INTS2: variants seen among roughly 807,000 people sequenced by gnomAD.
INTS2 encodes the protein KIAA1287.
In INTS2, 57 loss-of-function variants were observed where a neutral mutation model predicts 139.6. The ratio of observed to expected loss-of-function variants is 0.41; its 90% CI spans 0.33 to 0.51. The LOEUF is 0.51. INTS2 is among the 20% of genes least tolerant of loss of function. The pLI, the probability that INTS2 is intolerant of heterozygous loss-of-function variation, is 0.28. For missense variants in INTS2, 1,196 were observed against 1,436.7 expected (o/e 0.83, Z 2.71); for synonymous variants, 473 against 493.4 (o/e 0.96, Z 0.55).
chr17:61,898,187 AT>A (rs1288009438), intron 9 of INTS2, among the ~76,000 whole-genome samples: 1 of 152,208 alleles, frequency 6.6e-6, no homozygotes, highest in East Asian at 1.9e-4. Context: ...ATGAAATTTA[AT>A]TTATAGAAAC....
intron 16 of INTS2, among the ~76,000 whole-genome samples, chr17:61,883,303 A>G (rs1472071785): frequency 6.6e-6 from 1 of 151,796 alleles, no homozygotes; most frequent in African/African-American, 2.4e-5. Context: ...ACTTGAGGTC[A>G]GGAGTTCGAG....
intron 17 of INTS2, among the ~76,000 whole-genome samples, chr17:61,878,943 A>ACAAAAAAAC (rs1567891531): frequency 6.7e-6 from 1 of 149,842 alleles, no homozygotes; most frequent in African/African-American, 2.5e-5. Flanking sequence ...AAAAAAAAAA[A>ACAAAAAAAC]AAAAAAAAAA....
Position 61,870,047 on chromosome 17 carries a change from CA to C in INTS2, c.2779-60del. The C allele has an allele frequency of 6.9e-7, 1 of 1,458,534 alleles. No homozygotes were observed. The highest frequency in any genetic ancestry group is 9.3e-7 in the Non-Finnish European group (1 of 1,079,800). The allele number at this position is 1,458,534 out of a possible 1,614,324, so 90.3% of individuals were successfully genotyped here. A position where few individuals can be genotyped will look rare whatever the true frequency, so the allele number is the denominator to read the frequency against. ...GTTTCTAAGAAGTTAAAAAACAAAT[CA>C]GATTTTATTTTCACATGAACAGATA... On this transcript the variant is annotated intron_variant, in intron 20 of 24. Transcript: ENST00000251334. The surrounding 1 kb of genome is among the most constrained non-coding windows in gnomAD (Gnocchi z 4.4).
intron 9 of INTS2, among the ~76,000 whole-genome samples, chr17:61,901,458 A>T (rs920256141): frequency 6.6e-6 from 1 of 151,526 alleles, no homozygotes; most frequent in Non-Finnish European, 1.5e-5. Flanking sequence ...GCTATAATGA[A>T]CCAATAGACA....
chr17:61,914,645 G>A (rs1459654681), intron 5 of INTS2, among the ~76,000 whole-genome samples: 4 of 150,488 alleles, frequency 2.7e-5, no homozygotes, highest in Non-Finnish European at 5.9e-5. Context: ...GGAGCTTGCA[G>A]TGAGCCGAGA....
At position 61,868,675 on chromosome 17, in the gene INTS2, G is replaced by A. The variant is rs528621962; in HGVS notation, c.3244+359C>T. Among the ~76,000 whole-genome samples the A allele has an allele frequency of 6.6e-6, 1 of 152,144 alleles. No homozygotes were observed. The highest frequency in any genetic ancestry group is 2.4e-5 in the African/African-American group (1 of 41,532). On this transcript the variant is annotated intron_variant, in intron 23 of 24. Coordinates refer to ENST00000251334, the MANE Select transcript of INTS2 (RefSeq NM_001351695.2). The surrounding 1 kb of genome is among the most constrained non-coding windows in gnomAD (Gnocchi z 4.7). The stretch of plus-strand genomic sequence containing the variant: ...TGATGATATTTTTCTGGAACTCTGA[G>A]CATTTGTAATAAATGAACATTTGTT...
intron 14 of INTS2, 96 bp downstream of exon 14, chr17:61,891,417 C>T: frequency 1.1e-6 from 1 of 914,116 alleles, no homozygotes; most frequent in South Asian, 1.5e-5. Context: ...TTCAGAACTA[C>T]CTAGAAGTCC....
chr17:61,877,221 A>C lies in INTS2; in HGVS notation c.2456+666T>G, dbSNP rs570073531. ...ATAAGAGATATATGGGGAGGATATA[A>C]ATACCAGAATAAAAAGATAAAAGAG... On this transcript the variant is annotated intron_variant, in intron 18 of 24. Transcript: ENST00000251334. Among the ~76,000 whole-genome samples, 7 of 152,294 alleles carry C rather than the reference A, an allele frequency of 4.6e-5. 1 individual carries two copies. Among genetic ancestry groups the C allele is most frequent in the African/African-American group, 1.4e-4 (6 of 41,562 alleles).
intron 5 of INTS2, among the ~76,000 whole-genome samples, chr17:61,912,747 G>A (rs991892903): frequency 9.2e-5 from 14 of 151,916 alleles, no homozygotes; most frequent in Admixed American, 2.6e-4. Flanking sequence ...AACATCATAC[G>A]TCAACTTTCT....
Position 61,877,926 on chromosome 17 carries a change from T to C in INTS2, c.2417A>G (p.Asn806Ser), listed in dbSNP as rs1337864569. ...GVPRRILQTV[N>S]KLWMVLNTVM... Reference sequence around the variant, plus strand: ...AGTATTAAGAACCATCCATAGTTTATTGACTGTTTGCAGAATTCTCCGTGG... The same window carrying C: ...AGTATTAAGAACCATCCATAGTTTACTGACTGTTTGCAGAATTCTCCGTGG... The change falls in exon 18 of 25, where the codon AAT (asparagine) becomes AGT (serine). Residue 806 changes from asparagine to serine, a missense_variant. Around this residue, in one of 3 missense-constraint regions of INTS2, gnomAD observed 1,129 missense variants for 1,341.9 expected, o/e 0.84. Transcript: ENST00000251334. 1 of 1,613,876 alleles carries C rather than the reference T, an allele frequency of 6.2e-7. No homozygotes were observed. Among genetic ancestry groups the C allele is most frequent in the South Asian group, 1.1e-5 (1 of 91,082 alleles).
intron 9 of INTS2, among the ~76,000 whole-genome samples, chr17:61,899,171 C>CT (rs2143029376): frequency 6.6e-6 from 1 of 152,334 alleles, no homozygotes; most frequent in East Asian, 1.9e-4. Context: ...CCCATCTCTG[C>CT]TAATTACTGG....
chr17:61,910,023 A>C (rs2079510523), intron 7 of INTS2: 1 of 152,242 alleles, frequency 6.6e-6, no homozygotes, highest in Non-Finnish European at 1.5e-5. Flanking sequence ...ACAGAATGGC[A>C]GTTCTACTCT....
intron 12 of INTS2, among the ~76,000 whole-genome samples, chr17:61,894,823 G>C (rs2079330473): frequency 6.7e-6 from 1 of 149,244 alleles, no homozygotes; most frequent in South Asian, 2.2e-4. Flanking sequence ...ATACTAGCCT[G>C]GGTGACAAAG....
intron 2 of INTS2, among the ~76,000 whole-genome samples, chr17:61,925,373 G>C (rs995433146): frequency 6.6e-6 from 1 of 152,022 alleles, no homozygotes; most frequent in Non-Finnish European, 1.5e-5. Context: ...AAGGTTGGGA[G>C]TTCGAGACCA....
Position 61,884,938 on chromosome 17 carries a change from A to G in INTS2, c.2052T>C (p.Leu684=), listed in dbSNP as rs1370242063. 6.2e-7 allele frequency: 1 copy of G among 1,609,258 alleles called. No individual in the cohort carries two copies. The highest frequency in any genetic ancestry group is 8.5e-7 in the Non-Finnish European group (1 of 1,177,610). Residue 684 remains leucine, a synonymous_variant, in exon 16 of 25, where the codon CTT becomes CTC. Coordinates refer to ENST00000251334, the MANE Select transcript of INTS2 (RefSeq NM_001351695.2). ...GCTGCAGCCCTTGAGCCTGTCGAATAAGGAATTTGATAGGAATCTGATCCA... is the reference window on the plus strand; with the variant it reads ...GCTGCAGCCCTTGAGCCTGTCGAATGAGGAATTTGATAGGAATCTGATCCA... ...SLMDQIPIKF[L]IRQAQGLQQE...
At chr17:61,913,518 T>A (rs2079548576) in intron 5 of INTS2, among the ~76,000 whole-genome samples, 1 of 152,168 alleles carries the variant, frequency 6.6e-6, no homozygotes, top group Admixed American at 6.6e-5. Flanking sequence ...TTTCTTGCTT[T>A]GCCACCATAC....
At chr17:61,924,853 G>A in intron 3 of INTS2, 108 bp downstream of exon 3, 1 of 1,085,146 alleles carries the variant, frequency 9.2e-7, no homozygotes, top group South Asian at 1.5e-5. Flanking sequence ...CAAAATAAGA[G>A]TAGAGGAGAA....
intron 19 of INTS2, chr17:61,874,208 C>T (rs1282568354): frequency 6.6e-6 from 1 of 152,074 alleles, no homozygotes; most frequent in Non-Finnish European, 1.5e-5. Flanking sequence ...GAAACATTAC[C>T]CATGTCCCAT....
In INTS2 at chr17:61,909,102, A is replaced by G. The variant is rs1295028509; in HGVS notation, c.955-1468T>C. 6.6e-6 allele frequency among the ~76,000 whole-genome samples: 1 copy of G among 151,572 alleles called. No individual in the cohort carries two copies. The highest frequency in any genetic ancestry group is 1.5e-5 in the Non-Finnish European group (1 of 67,924). ...ATAAAATAAAATGTGGTATATACAC[A>G]CAATGGAATATTATTTTTCTTTTTT... On this transcript the variant is annotated intron_variant, in intron 7 of 24. Coordinates refer to ENST00000251334, the MANE Select transcript of INTS2 (RefSeq NM_001351695.2). The surrounding 1 kb of genome is among the most constrained non-coding windows in gnomAD (Gnocchi z 4.9).
Sources: allele counts gnomAD v4.1 joint callset (sites outside exome capture counted in the v4.1 genomes callset), GRCh38; gene constraint gnomAD v4.1.1; regional missense constraint gnomAD v4.1.1; non-coding constraint Gnocchi (gnomAD v3.1); transcripts MANE v1.5; gene names NCBI Gene and HGNC (gene_info 2026-07-23, HGNC 2026-07-21).